ASCC3: variants seen among roughly 807,000 people sequenced by gnomAD.
The protein encoded by ASCC3 is activating signal cointegrator 1 complex subunit 3.
Under a neutral mutation model 256.3 loss-of-function variants are expected in ASCC3, and 158 were observed. That is an observed-to-expected ratio of 0.62 (90% CI 0.54 to 0.70). The LOEUF (loss-of-function observed/expected upper bound fraction) is 0.70, where lower values mean the gene tolerates loss of function less well. Among genes scored for constraint, ASCC3 ranks in the 30% least tolerant of loss-of-function variants. The pLI is 0.00. For synonymous variants in ASCC3, 948 were observed against 883.4 expected (o/e 1.07, Z -1.30); for missense variants, 2,259 against 2,626.0 (o/e 0.86, Z 3.05).
chr6:100,868,679 A>T (rs146059222), intron 1 of ASCC3, among the ~76,000 whole-genome samples: 1 of 152,242 alleles, frequency 6.6e-6, no homozygotes, highest in Non-Finnish European at 1.5e-5. Context: ...CTATTTTACT[A>T]ATCTCCCCAG....
Position 100,569,906 on chromosome 6 carries a change from A to G in ASCC3, c.5550+19728T>C, listed in dbSNP as rs114721001. Among the ~76,000 whole-genome samples, 1,020 of 152,206 alleles carry G rather than the reference A, an allele frequency of 6.7e-3. 13 individuals are homozygous for G. Among genetic ancestry groups the G allele is most frequent in the African/African-American group, 0.023 (962 of 41,532 alleles). On this transcript the variant is annotated intron_variant, in intron 36 of 41. Coordinates refer to ENST00000369162, the MANE Select transcript of ASCC3 (RefSeq NM_006828.4). The stretch of plus-strand genomic sequence containing the variant: ...TATTTTAATGATATTGATTCTTGCA[A>G]TCTATGAGTATGGAATGTTTTTCCA...
intron 30 of ASCC3, among the ~76,000 whole-genome samples, chr6:100,624,899 A>G (rs1432259553): frequency 6.6e-6 from 1 of 151,942 alleles, no homozygotes; most frequent in Non-Finnish European, 1.5e-5. Context: ...ATTTTGCAAA[A>G]TTGATTTTAA....
intron 30 of ASCC3, among the ~76,000 whole-genome samples, chr6:100,607,551 A>T (rs899760388): frequency 6.6e-6 from 1 of 152,004 alleles, no homozygotes; most frequent in Non-Finnish European, 1.5e-5. Flanking sequence ...TTCTTACAGA[A>T]CTTATTGGCC....
chr6:100,652,909 A>C lies in ASCC3; in HGVS notation c.2824-20T>G. ...GTCAATCTATGGCAAAAAATATATA[A>C]ACAGTTGAATAGTGCTTTAGAGAGT... On this transcript the variant is annotated intron_variant, in intron 17 of 41. Transcript: ENST00000369162. 1 of 1,608,924 alleles carries C rather than the reference A, an allele frequency of 6.2e-7. No individual in the cohort carries two copies. Among genetic ancestry groups the C allele is most frequent in the Non-Finnish European group, 8.5e-7 (1 of 1,175,582 alleles).
At chr6:100,837,780 T>TA (rs1268766282) in intron 4 of ASCC3, among the ~76,000 whole-genome samples, 1 of 151,846 alleles carries the variant, frequency 6.6e-6, no homozygotes, top group Non-Finnish European at 1.5e-5. Flanking sequence ...GGTACGAAGT[T>TA]ACAGTTAGAG....
rs773210607 is a variant in ASCC3, at chr6:100,509,970, A to T, written c.6423T>A (p.Val2141=). 6.2e-7 allele frequency: 1 copy of T among 1,614,086 alleles called. No homozygotes were observed. The highest frequency in any genetic ancestry group is 1.1e-5 in the South Asian group (1 of 91,082). The change falls in exon 41 of 42, where the codon GTT becomes GTA. Residue 2141 remains valine (V), a synonymous_variant. Transcript: ENST00000369162. Reference sequence around the variant, plus strand: ...CAGGGGTATAAAAAGAAAGGGAAGCAACATGATGATTTCGAATATATCCTA... The same window carrying T: ...CAGGGGTATAAAAAGAAAGGGAAGCTACATGATGATTTCGAATATATCCTA... ...KRVGYIRNHH[V]ASLSFYTPEI...
chr6:100,766,575 A>T lies in ASCC3; in HGVS notation c.1727T>A (p.Leu576Ter). Reference protein sequence around the residue: ...GDMQLSKSEILRTQMLVTTPE... With the variant: ...GDMQLSKSEI Reference sequence around the variant, plus strand: ...AGGTAAACAACATACCTGAGTTCGTAAAATTTCACTTTTGGACAACTGCAT... The same window carrying T: ...AGGTAAACAACATACCTGAGTTCGTTAAATTTCACTTTTGGACAACTGCAT... The change falls in exon 10 of 42, where the codon TTA (leucine) becomes TAA (stop). Residue 576 changes from leucine (L) to a stop codon, truncating the protein, a stop_gained. Coordinates refer to ENST00000369162, the MANE Select transcript of ASCC3 (RefSeq NM_006828.4). LOFTEE classifies it high-confidence loss of function. The T allele has an allele frequency of 6.2e-7, 1 of 1,614,056 alleles. No individual in the cohort carries two copies. Among genetic ancestry groups the T allele is most frequent in the Non-Finnish European group, 8.5e-7 (1 of 1,179,936 alleles).
chr6:100,658,002 T>C (rs1007257907), intron 16 of ASCC3, among the ~76,000 whole-genome samples: 2 of 151,486 alleles, frequency 1.3e-5, no homozygotes, highest in South Asian at 4.1e-4. Context: ...CTCAAAATCA[T>C]ATAGTAAGTC....
At chr6:100,671,082 T>C (rs938184523) in intron 14 of ASCC3, among the ~76,000 whole-genome samples, 4 of 152,024 alleles carry the variant, frequency 2.6e-5, no homozygotes, top group African/African-American at 9.7e-5. Context: ...TATAACATGA[T>C]GCAACTTTTT....
At chr6:100,771,771 A>G (rs1046033572) in intron 8 of ASCC3, among the ~76,000 whole-genome samples, 3 of 117,174 alleles carry the variant, frequency 2.6e-5, no homozygotes, top group African/African-American at 1.0e-4. Context: ...TAATTTTTTT[A>G]ATTGCAAGTA....
intron 4 of ASCC3, among the ~76,000 whole-genome samples, chr6:100,810,479 T>C (rs1299286032): frequency 6.6e-6 from 1 of 152,182 alleles, no homozygotes; most frequent in Non-Finnish European, 1.5e-5. Flanking sequence ...AATTAAGATG[T>C]ATCAAAGACA....
At chr6:100,615,640 A>C (rs1402647780) in intron 30 of ASCC3, among the ~76,000 whole-genome samples, 1 of 152,236 alleles carries the variant, frequency 6.6e-6, no homozygotes, top group East Asian at 1.9e-4. Context: ...GTAAAAGTAA[A>C]CTACTATTAT....
At chr6:100,551,228 C>G (rs2114684857) in intron 36 of ASCC3, among the ~76,000 whole-genome samples, 1 of 152,028 alleles carries the variant, frequency 6.6e-6, no homozygotes, top group South Asian at 2.1e-4. Context: ...GACAGGTATA[C>G]ACAATGGTAA....
At chr6:100,510,209 T>A in intron 40 of ASCC3, 102 bp from the exon 41 acceptor site, 2 of 1,226,824 alleles carry the variant, frequency 1.6e-6, no homozygotes, top group Non-Finnish European at 2.4e-6. Context: ...GCCATACATC[T>A]ACATAGTTCA....
rs768158478 is a variant in ASCC3 at position 100,848,504 on chromosome 6, G to C, written c.445C>G (p.Leu149Val). The change falls in exon 4 of 42, where the codon CTT (leucine) becomes GTT (valine). Residue 149 changes from leucine (L) to valine (V), a missense_variant. This residue lies in a region of ASCC3 where 420 missense variants were observed against 419.3 expected (regional missense o/e 1.00). Coordinates refer to ENST00000369162, the MANE Select transcript of ASCC3 (RefSeq NM_006828.4). Reference sequence around the variant, plus strand: ...TGTTCTTTTTCTGTCATCTGCACAAGAGCAGTAAGATCATCTTGACTAAAA... The same window carrying C: ...TGTTCTTTTTCTGTCATCTGCACAACAGCAGTAAGATCATCTTGACTAAAA... ...SHFSQDDLTA[L>V]VQMTEKEHGD... is the part of the protein sequence containing the mutation. The C allele has an allele frequency of 2.5e-6, 4 of 1,614,014 alleles. No homozygotes were observed. The South Asian group carries it at 3.3e-5, about 13-fold the overall frequency.
chr6:100,774,906 A>C (rs1412980486), intron 8 of ASCC3, among the ~76,000 whole-genome samples: 1 of 152,162 alleles, frequency 6.6e-6, no homozygotes, highest in African/African-American at 2.4e-5. Flanking sequence ...TGTGAGGGAG[A>C]GACAGTCACT....
At chr6:100,799,670 T>C in intron 6 of ASCC3, 98 bp from the exon 7 acceptor site, 1 of 1,276,008 alleles carries the variant, frequency 7.8e-7, no homozygotes. Context: ...GGAGCTAGCC[T>C]TCCACCATAA....
At chr6:100,809,921 C>A (rs1412662978) in intron 4 of ASCC3, among the ~76,000 whole-genome samples, 1 of 152,046 alleles carries the variant, frequency 6.6e-6, no homozygotes, top group Admixed American at 6.6e-5. Context: ...AGTATCCCAG[C>A]CCACCTACAA....
At chr6:100,871,958 C>A (rs1451365526) in intron 1 of ASCC3, among the ~76,000 whole-genome samples, 1 of 152,170 alleles carries the variant, frequency 6.6e-6, no homozygotes, top group Non-Finnish European at 1.5e-5. Context: ...GTAAGGTATA[C>A]AATGGATGCC....
Sources: allele counts gnomAD v4.1 joint callset (sites outside exome capture counted in the v4.1 genomes callset), GRCh38; gene constraint gnomAD v4.1.1; regional missense constraint gnomAD v4.1.1; transcripts MANE v1.5; gene names NCBI Gene and HGNC (gene_info 2026-07-23, HGNC 2026-07-21).